Variants in SCAI observed in about 807,000 individuals in gnomAD.
The protein encoded by SCAI is suppressor of cancer cell invasion.
A neutral mutation model predicts 92.2 loss-of-function variants in SCAI; 24 were observed. That is an observed-to-expected ratio of 0.26 (90% CI 0.19 to 0.37). The LOEUF (loss-of-function observed/expected upper bound fraction) is 0.37. Among genes scored for constraint, SCAI ranks in the 10% least tolerant of loss-of-function variants. The probability of loss-of-function intolerance (pLI) is 1.00; values close to 1 mark genes in which losing one functional copy is unlikely to be tolerated. For synonymous variants in SCAI, 261 were observed against 258.6 expected (o/e 1.01, Z -0.09); for missense variants, 450 against 736.2 (o/e 0.61, Z 4.50).
intron 2 of SCAI, among the ~76,000 whole-genome samples, chr9:125,099,434 C>T (rs547797287): frequency 2.6e-5 from 4 of 152,174 alleles, no homozygotes; most frequent in Admixed American, 1.3e-4. Flanking sequence ...TGTGCGCTAC[C>T]ATGCCTGGCT....
chr9:124,973,037 T>A (rs1831689870), intron 15 of SCAI, among the ~76,000 whole-genome samples: 1 of 152,242 alleles, frequency 6.6e-6, no homozygotes, highest in Non-Finnish European at 1.5e-5. Flanking sequence ...TTTTGGGATT[T>A]GCAATATTTG....
intron 2 of SCAI, among the ~76,000 whole-genome samples, chr9:125,088,360 T>G (rs562014824): frequency 1.3e-5 from 2 of 152,320 alleles, no homozygotes; most frequent in East Asian, 1.9e-4. Flanking sequence ...GGGGGCAGAT[T>G]TCCCCCTTGC....
intron 17 of SCAI, among the ~76,000 whole-genome samples, 159 bp from the exon 18 acceptor site, chr9:124,953,112 A>C (rs889886676): frequency 1.8e-4 from 27 of 152,216 alleles, no homozygotes; most frequent in African/African-American, 5.5e-4. Flanking sequence ...ATATTTAACC[A>C]TTTTGACCTC....
At chr9:125,082,449 C>CA (rs1554789078) in intron 2 of SCAI, among the ~76,000 whole-genome samples, 2 of 152,234 alleles carry the variant, frequency 1.3e-5, no homozygotes, top group Non-Finnish European at 2.9e-5. Flanking sequence ...AATCCCCACA[C>CA]AGAGTCCCTA....
chr9:125,006,337 T>A (rs1490781371), intron 9 of SCAI, among the ~76,000 whole-genome samples: 1 of 152,110 alleles, frequency 6.6e-6, no homozygotes, highest in Non-Finnish European at 1.5e-5. Context: ...AGGCGGGGAT[T>A]AAAGAAGGGG....
At chr9:125,095,148 G>A (rs887111132) in intron 2 of SCAI, among the ~76,000 whole-genome samples, 2 of 152,114 alleles carry the variant, frequency 1.3e-5, no homozygotes, top group Admixed American at 1.3e-4. Flanking sequence ...CCCTCATCCA[G>A]TAACCAACGG....
intron 2 of SCAI, among the ~76,000 whole-genome samples, chr9:125,138,252 T>TC (rs1331113225): frequency 7.9e-6 from 1 of 127,290 alleles, no homozygotes; most frequent in Non-Finnish European, 1.5e-5. Flanking sequence ...ATTATTTCTT[T>TC]TTTTTTTTTT....
intron 2 of SCAI, among the ~76,000 whole-genome samples, chr9:125,095,694 T>G (rs534909085): frequency 4.6e-5 from 7 of 152,354 alleles, no homozygotes; most frequent in Admixed American, 3.3e-4. Context: ...ATGTGCTCTC[T>G]TCCTCCTGAC....
chr9:124,962,170 T>TG lies in SCAI; in HGVS notation c.1674+9199dup, dbSNP rs749569768. ...TATGTCTTTTTTTTTTTTTTTTTTTTGCGGGGGGGGATGGAGTCTTGCTCT... is the reference window on the plus strand; with the variant it reads ...TATGTCTTTTTTTTTTTTTTTTTTTTGGCGGGGGGGGATGGAGTCTTGCTCT... On this transcript the variant is annotated intron_variant, in intron 17 of 17. Coordinates refer to ENST00000336505, the MANE Select transcript of SCAI (RefSeq NM_001144877.3). 1.1e-3 allele frequency among the ~76,000 whole-genome samples: 90 copies of TG among 84,088 alleles called. 5 individuals are homozygous for TG. Among genetic ancestry groups the TG allele is most frequent in the African/African-American group, 2.5e-3 (50 of 20,020 alleles). 55.2% of individuals were successfully genotyped at this position (84,088 alleles called of 152,430 possible). A position where few individuals can be genotyped will look rare whatever the true frequency, so the allele number is the denominator to read the frequency against.
chr9:125,054,718 A>C (rs552818968), intron 3 of SCAI, among the ~76,000 whole-genome samples: 6 of 152,352 alleles, frequency 3.9e-5, no homozygotes, highest in Admixed American at 2.0e-4. Flanking sequence ...CATGATCTCA[A>C]ACATCTCCTC....
intron 17 of SCAI, among the ~76,000 whole-genome samples, chr9:124,961,580 G>A (rs559107258): frequency 1.5e-4 from 22 of 150,120 alleles, no homozygotes; most frequent in African/African-American, 5.4e-4. Flanking sequence ...AACCCAGGAG[G>A]CAGAAGTTGC....
chr9:124,961,371 C>G (rs761624754), intron 17 of SCAI, among the ~76,000 whole-genome samples: 4 of 151,886 alleles, frequency 2.6e-5, no homozygotes, highest in Non-Finnish European at 5.9e-5. Context: ...AAGATGGTGT[C>G]AGGCGTGGTG....
Position 125,132,117 on chromosome 9 carries a change from C to CT in SCAI, c.98+10515dup, listed in dbSNP as rs758872012. ...CCCATTCATTTTCTTTTCTTTTTTC[C>CT]TTTTTTTTTTTTTTGAGACAGCGTC... On this transcript the variant is annotated intron_variant, in intron 2 of 17. Transcript: ENST00000336505. Among the ~76,000 whole-genome samples the CT allele has an allele frequency of 2.8e-3, 400 of 142,914 alleles. 2 individuals carry two copies. The highest frequency in any genetic ancestry group is 0.017 in the East Asian group (84 of 4,946). 93.8% of individuals were successfully genotyped at this position (142,914 alleles called of 152,430 possible).
At chr9:125,088,807 C>T (rs1359634478) in intron 2 of SCAI, among the ~76,000 whole-genome samples, 1 of 151,998 alleles carries the variant, frequency 6.6e-6, no homozygotes, top group East Asian at 1.9e-4. Context: ...AAATAAAGTG[C>T]TTTTGAAAAC....
At chr9:125,105,353 A>C (rs7024853) in intron 2 of SCAI, among the ~76,000 whole-genome samples, 1,890 of 152,328 alleles carry the variant, frequency 0.012, 40 homozygotes, top group African/African-American at 0.043. Flanking sequence ...ATAAGGAAAG[A>C]TTCTATTTCT....
chr9:125,031,117 C>G (rs2131090476), intron 3 of SCAI, among the ~76,000 whole-genome samples: 1 of 152,212 alleles, frequency 6.6e-6, no homozygotes, highest in East Asian at 1.9e-4. Context: ...CTTGTAGAAA[C>G]CTTATAAACT....
At chr9:124,956,000 T>C (rs2131572451) in intron 17 of SCAI, among the ~76,000 whole-genome samples, 1 of 152,198 alleles carries the variant, frequency 6.6e-6, no homozygotes, top group Middle Eastern at 3.4e-3. Context: ...TTTTAAGAAA[T>C]AGAAGAGAAT....
intron 15 of SCAI, 83 bp downstream of exon 15, chr9:124,976,031 A>G (rs981141614): frequency 3.4e-6 from 3 of 889,858 alleles, no homozygotes; most frequent in Non-Finnish European, 5.6e-6. Context: ...TTATGGGAGG[A>G]AAAAACAAAG....
intron 5 of SCAI, among the ~76,000 whole-genome samples, chr9:125,027,752 G>A (rs1832991674): frequency 6.6e-6 from 1 of 152,112 alleles, no homozygotes; most frequent in Non-Finnish European, 1.5e-5. Context: ...GACCTCAGGT[G>A]ATCCACCTGC....
Sources: gnomAD v4.1 joint callset for allele counts (sites outside exome capture counted in the v4.1 genomes callset) on GRCh38, gnomAD v4.1.1 for gene constraint, MANE v1.5 for transcripts, NCBI Gene and HGNC (gene_info 2026-07-23, HGNC 2026-07-21) for gene names.